The following USP48 variants were observed in gnomAD, a reference collection of about 807,000 sequenced individuals.
USP48 encodes the protein ubiquitin carboxyl-terminal hydrolase 48.
In USP48, 43 loss-of-function variants were observed where a neutral mutation model predicts 150.7. That is an observed-to-expected ratio of 0.29 (90% CI 0.22 to 0.37). The LOEUF (loss-of-function observed/expected upper bound fraction) is 0.37, where lower values mean the gene tolerates loss of function less well. Among genes scored for constraint, USP48 ranks in the 10% least tolerant of loss-of-function variants. The probability of loss-of-function intolerance (pLI) is 1.00; values close to 1 mark genes in which losing one functional copy is unlikely to be tolerated. For missense variants in USP48, 813 were observed against 1,249.6 expected (o/e 0.65, Z 5.27); for synonymous variants, 396 against 425.9 (o/e 0.93, Z 0.86).
intron 15 of USP48, among the ~76,000 whole-genome samples, chr1:21,713,968 T>C (rs61776038): frequency 0.012 from 1,867 of 152,142 alleles, 24 homozygotes; most frequent in Middle Eastern, 0.085. Flanking sequence ...GGAATGCCAC[T>C]CACTTCGCAA....
intron 3 of USP48, 144 bp downstream of exon 3, chr1:21,756,402 G>C: frequency 1.0e-6 from 1 of 972,848 alleles, no homozygotes; most frequent in South Asian, 1.6e-5. Flanking sequence ...AATCGCTTCA[G>C]CCCAGGAGGC....
At chr1:21,767,412 C>A (rs2097864760) in intron 1 of USP48, among the ~76,000 whole-genome samples, 1 of 152,142 alleles carries the variant, frequency 6.6e-6, no homozygotes, top group African/African-American at 2.4e-5. Context: ...GCAACCTCCA[C>A]CTCCTGGTTT....
intron 1 of USP48, among the ~76,000 whole-genome samples, chr1:21,766,785 C>T (rs967424018): frequency 1.3e-5 from 2 of 151,970 alleles, no homozygotes; most frequent in African/African-American, 4.8e-5. Context: ...TTCTCCTGCC[C>T]GAGCCTCCTG....
At chr1:21,732,501 C>CA (rs34689711) in intron 9 of USP48, among the ~76,000 whole-genome samples, 2 of 151,784 alleles carry the variant, frequency 1.3e-5, no homozygotes, top group Middle Eastern at 3.2e-3. Flanking sequence ...GATATATTTA[C>CA]AAAAAAAGTA....
At chr1:21,743,387 A>G (rs1428738500) in intron 8 of USP48, among the ~76,000 whole-genome samples, 1 of 152,206 alleles carries the variant, frequency 6.6e-6, no homozygotes, top group Non-Finnish European at 1.5e-5. Context: ...TGGGAGGAAC[A>G]AAGTATGATA....
rs1486494929 is a variant in USP48 at position 21,752,559 on chromosome 1, C to T, written c.633G>A (p.Gln211=). 2 of 1,613,342 alleles carry T rather than the reference C, an allele frequency of 1.2e-6. No individual in the cohort carries two copies. The highest frequency in any genetic ancestry group is 2.2e-5 in the South Asian group (2 of 90,860). The change falls in exon 5 of 27, where the codon CAG becomes CAA. Residue 211 remains glutamine (Q), a synonymous_variant. Transcript: ENST00000308271. ...CATAGGCATATTCTCCACAGAACTG[C>T]TGTTGAACAATATTGCGCACATCTG... The part of the protein sequence containing the change: ...KNPDVRNIVQ[Q]QFCGEYAYVT...
At chr1:21,717,825 A>G (rs747816840) in intron 14 of USP48, among the ~76,000 whole-genome samples, 1 of 152,112 alleles carries the variant, frequency 6.6e-6, no homozygotes, top group African/African-American at 2.4e-5. Flanking sequence ...GTGCTGGTGC[A>G]TGCCTGTAAT....
chr1:21,753,834 A>AC (rs975509370), intron 3 of USP48, among the ~76,000 whole-genome samples: 2 of 150,634 alleles, frequency 1.3e-5, no homozygotes, highest in African/African-American at 4.9e-5. Context: ...AAAAAAAAAA[A>AC]AAAAAAAAAA....
intron 23 of USP48, among the ~76,000 whole-genome samples, chr1:21,690,811 G>A (rs2097596503): frequency 6.6e-6 from 1 of 152,184 alleles, no homozygotes. Flanking sequence ...TTACAGGCAT[G>A]AGCCACTGCA....
At chr1:21,765,487 C>T (rs945634785) in intron 1 of USP48, among the ~76,000 whole-genome samples, 15 of 152,070 alleles carry the variant, frequency 9.9e-5, no homozygotes, top group African/African-American at 3.6e-4. Flanking sequence ...CATGGTGGCA[C>T]GCGCCTGTAG....
rs373020750 is a variant in USP48 at position 21,752,483 on chromosome 1, G to A, written c.665+44C>T. ...AAAAATAGTTAACATATGAGCAACT[G>A]TCTTAGAATAAAATGTACCATGAAA... On this transcript the variant is annotated intron_variant, in intron 5 of 26. Transcript: ENST00000308271. 1.3e-5 allele frequency: 20 copies of A among 1,599,238 alleles called. No homozygotes were observed. In the African/African-American group the frequency reaches 2.3e-4, roughly 18 times the overall value.
intron 10 of USP48, among the ~76,000 whole-genome samples, chr1:21,728,954 C>G (rs990103474): frequency 6.6e-6 from 1 of 152,084 alleles, no homozygotes; most frequent in Non-Finnish European, 1.5e-5. Flanking sequence ...CATCAGCCTC[C>G]CAGAACAATC....
intron 23 of USP48, among the ~76,000 whole-genome samples, chr1:21,692,219 C>G (rs2097604124): frequency 6.6e-6 from 1 of 152,130 alleles, no homozygotes; most frequent in Non-Finnish European, 1.5e-5. Context: ...AGATCTGTGG[C>G]TAGCAATGAA....
intron 8 of USP48, among the ~76,000 whole-genome samples, chr1:21,738,546 T>C (rs1455667391): frequency 3.4e-5 from 5 of 149,126 alleles, no homozygotes; most frequent in African/African-American, 1.2e-4. Flanking sequence ...TTAGTAGAGA[T>C]GGGGTTTCAC....
At chr1:21,700,590 A>ATTTCACTACACT (rs2097652622) in intron 22 of USP48, among the ~76,000 whole-genome samples, 1 of 152,222 alleles carries the variant, frequency 6.6e-6, no homozygotes, top group Non-Finnish European at 1.5e-5. Context: ...CACCATCCAC[A>ATTTCACTACACT]ATTTCACTAC....
chr1:21,781,390 G>A (rs927222625), intron 1 of USP48, among the ~76,000 whole-genome samples: 5 of 152,122 alleles, frequency 3.3e-5, no homozygotes, highest in Middle Eastern at 3.2e-3. Context: ...AGTGAGCCGA[G>A]ATCACGCCAT....
chr1:21,736,659 G>A, intron 8 of USP48, 34 bp from the exon 9 acceptor site: 2 of 1,357,942 alleles, frequency 1.5e-6, no homozygotes, highest in South Asian at 2.2e-5. Flanking sequence ...AAGAAACGTT[G>A]GATAACAGTT....
chr1:21,763,429 A>G (rs1008258646), intron 1 of USP48, among the ~76,000 whole-genome samples: 1 of 152,118 alleles, frequency 6.6e-6, no homozygotes, highest in Non-Finnish European at 1.5e-5. Context: ...AAACTTCTAA[A>G]TTGTTGCTAA....
At position 21,721,067 on chromosome 1, in the gene USP48, G is replaced by A. The variant is rs139438949; in HGVS notation, c.1863C>T (p.Asn621=). 3.1e-6 allele frequency: 5 copies of A among 1,614,056 alleles called. No homozygotes were observed. The highest frequency in any genetic ancestry group is 1.6e-4 in the Middle Eastern group (1 of 6,084). The part of the protein sequence containing the change: ...DEQDGDAEQS[N]GKMNGSTLNK... Reference sequence around the variant, plus strand: ...TTAAGGTGCTACCGTTCATCTTTCCGTTGCTTTGTTCTGCATCACCATCTT... The same window carrying A: ...TTAAGGTGCTACCGTTCATCTTTCCATTGCTTTGTTCTGCATCACCATCTT... Residue 621 remains asparagine (N), a synonymous_variant, in exon 14 of 27, where the codon AAC becomes AAT. Transcript: ENST00000308271.
Sources: gnomAD v4.1 joint callset for allele counts (sites outside exome capture counted in the v4.1 genomes callset) on GRCh38, gnomAD v4.1.1 for gene constraint, MANE v1.5 for transcripts, NCBI Gene and HGNC (gene_info 2026-07-23, HGNC 2026-07-21) for gene names.